NKAIN3: variants seen among roughly 807,000 people sequenced by gnomAD.
The protein encoded by NKAIN3 is sodium/potassium-transporting ATPase subunit beta-1-interacting protein 3.
NKAIN3 carries 25 observed loss-of-function variants against 30.2 expected under a neutral mutation model. The observed-to-expected ratio is 0.83, with a 90% CI of 0.60 to 1.16. The LOEUF (loss-of-function observed/expected upper bound fraction) is 1.16. NKAIN3 is among the 50% of genes most tolerant of loss of function. The pLI is 0.00. For synonymous variants in NKAIN3, 91 were observed against 89.6 expected (o/e 1.02, Z -0.09); for missense variants, 225 against 254.1 (o/e 0.89, Z 0.78).
Position 62,965,378 on chromosome 8 carries a change from C to G in NKAIN3, c.628C>G (p.Pro210Ala), listed in dbSNP as rs1823680572. The G allele has an allele frequency of 1.0e-6, 1 of 985,534 alleles. No individual in the cohort carries two copies. The highest frequency in any genetic ancestry group is 1.2e-6 in the Non-Finnish European group (1 of 829,874). The allele number at this position is 985,534 out of a possible 1,614,324, so 61.0% of individuals were successfully genotyped here. A position where few individuals can be genotyped will look rare whatever the true frequency, so the allele number is the denominator to read the frequency against. ...GGTCGAAATAAGTAATGACATTGAA[C>G]CAGAAATGCGGCTGCTGAACTTGAC... is the stretch of plus-strand genomic sequence containing the variant. The part of the protein sequence containing the change: ...KPVEISNDIE[P>A]EMRLLNLT The change falls in exon 7 of 7, where the codon CCA becomes GCA. Residue 210 changes from proline to alanine, a missense_variant. Pro to Ala is a conservative substitution (Grantham distance 27, BLOSUM62 -1). Transcript: ENST00000623646.
intron 3 of NKAIN3, among the ~76,000 whole-genome samples, chr8:62,706,790 C>G (rs183738893): frequency 6.6e-5 from 10 of 152,052 alleles, no homozygotes; most frequent in African/African-American, 1.9e-4. Flanking sequence ...GTCACCCAAG[C>G]AGTATACACT....
At chr8:62,595,382 C>CTTTTTT (rs1181598520) in intron 3 of NKAIN3, among the ~76,000 whole-genome samples, 16 of 109,928 alleles carry the variant, frequency 1.5e-4, no homozygotes, top group Middle Eastern at 6.0e-3. Context: ...GGGCTATTTT[C>CTTTTTT]TTTTTTTTTT....
At position 62,978,717 on chromosome 8, in the gene NKAIN3, G is replaced by C. The variant is rs1327495058; in HGVS notation, c.*13310G>C. ...CCTGGTTTCAGCCCCCTTTCCAGGGGAGTGAATGGTTCTGTCTCTCTGGCA... is the reference window on the plus strand; with the variant it reads ...CCTGGTTTCAGCCCCCTTTCCAGGGCAGTGAATGGTTCTGTCTCTCTGGCA... On this transcript the variant is annotated 3_prime_UTR_variant, in exon 7 of 7. Coordinates refer to ENST00000623646, the MANE Select transcript of NKAIN3 (RefSeq NM_001304533.3). 6.5e-6 allele frequency: 1 copy of C among 153,108 alleles called. No homozygotes were observed. The highest frequency in any genetic ancestry group is 1.5e-5 in the Non-Finnish European group (1 of 68,484). The allele number at this position is 153,108 out of a possible 1,614,324, so 9.5% of individuals were successfully genotyped here.
At chr8:62,275,370 T>C (rs142750343) in intron 1 of NKAIN3, among the ~76,000 whole-genome samples, 1 of 152,350 alleles carries the variant, frequency 6.6e-6, no homozygotes, top group South Asian at 2.1e-4. Context: ...TCTTGATTTC[T>C]TAAGTTAAAT....
intron 3 of NKAIN3, among the ~76,000 whole-genome samples, chr8:62,740,918 A>T (rs1815845274): frequency 6.6e-6 from 1 of 152,064 alleles, no homozygotes. Flanking sequence ...CTCTGTGAAT[A>T]TATAAGGTAT....
chr8:62,406,017 T>G (rs1804054629), intron 1 of NKAIN3, among the ~76,000 whole-genome samples: 1 of 152,226 alleles, frequency 6.6e-6, no homozygotes, highest in South Asian at 2.1e-4. Context: ...CCAATAAGAA[T>G]ATAAGTTCTT....
chr8:62,729,024 C>CAAAAAAA (rs71501600), intron 3 of NKAIN3, among the ~76,000 whole-genome samples: 2 of 16,448 alleles, frequency 1.2e-4, no homozygotes, highest in Non-Finnish European at 2.5e-4. Context: ...ACAAACAAAC[C>CAAAAAAA]AAAAAAAAAA....
intron 1 of NKAIN3, among the ~76,000 whole-genome samples, chr8:62,452,165 C>T (rs902183353): frequency 6.6e-6 from 1 of 152,064 alleles, no homozygotes; most frequent in Non-Finnish European, 1.5e-5. Context: ...CAAAAGTGTC[C>T]AAGTTTCCCT....
chr8:62,449,309 C>G (rs1326339090), intron 1 of NKAIN3, among the ~76,000 whole-genome samples: 1 of 151,970 alleles, frequency 6.6e-6, no homozygotes, highest in Non-Finnish European at 1.5e-5. Flanking sequence ...TATGTGTAAT[C>G]TATTAAATCG....
At chr8:62,281,933 G>C (rs1049001138) in intron 1 of NKAIN3, among the ~76,000 whole-genome samples, 18 of 151,730 alleles carry the variant, frequency 1.2e-4, no homozygotes, top group African/African-American at 4.3e-4. Context: ...AAGCATGCTT[G>C]TTCCTCTCAC....
At chr8:62,511,418 A>T (rs1585890615) in intron 1 of NKAIN3, among the ~76,000 whole-genome samples, 4 of 152,078 alleles carry the variant, frequency 2.6e-5, no homozygotes, top group African/African-American at 9.7e-5. Flanking sequence ...TGCCACCCAG[A>T]TCCCTGGAAT....
intron 1 of NKAIN3, among the ~76,000 whole-genome samples, chr8:62,476,118 G>A (rs1806510797): frequency 1.3e-5 from 2 of 152,178 alleles, no homozygotes; most frequent in South Asian, 2.1e-4. Context: ...TTCAGATGAG[G>A]GTTGTACTAG....
intron 3 of NKAIN3, among the ~76,000 whole-genome samples, chr8:62,709,585 A>C (rs567917265): frequency 7.9e-5 from 12 of 152,166 alleles, no homozygotes; most frequent in African/African-American, 2.9e-4. Flanking sequence ...TTTGTTTCTT[A>C]GTGAGGTTAT....
At chr8:62,347,376 T>G (rs1283311521) in intron 1 of NKAIN3, among the ~76,000 whole-genome samples, 2 of 152,158 alleles carry the variant, frequency 1.3e-5, no homozygotes, top group Admixed American at 6.6e-5. Context: ...ATATGAGTCT[T>G]GCCTTTAAAG....
chr8:62,635,435 G>A (rs1812097322), intron 3 of NKAIN3, among the ~76,000 whole-genome samples: 1 of 152,130 alleles, frequency 6.6e-6, no homozygotes, highest in African/African-American at 2.4e-5. Context: ...TCCACCAGCT[G>A]GTGACCTCGG....
intron 1 of NKAIN3, among the ~76,000 whole-genome samples, chr8:62,433,436 G>GA (rs1805077523): frequency 6.6e-6 from 1 of 151,952 alleles, no homozygotes; most frequent in African/African-American, 2.4e-5. Flanking sequence ...TAAATTAATA[G>GA]AAAAAAATAC....
intron 1 of NKAIN3, among the ~76,000 whole-genome samples, chr8:62,480,991 C>A (rs141702637): frequency 1.9e-3 from 290 of 152,278 alleles, no homozygotes; most frequent in Non-Finnish European, 3.0e-3. Context: ...CCTTCCTGAA[C>A]TGCCAGTGAC....
At chr8:62,897,469 G>A (rs2130832326) in intron 4 of NKAIN3, among the ~76,000 whole-genome samples, 1 of 152,200 alleles carries the variant, frequency 6.6e-6, no homozygotes, top group South Asian at 2.1e-4. Flanking sequence ...TTCAGGACTT[G>A]ACACTATCTA....
intron 1 of NKAIN3, among the ~76,000 whole-genome samples, chr8:62,496,916 A>G (rs372971883): frequency 6.6e-5 from 10 of 152,118 alleles, no homozygotes; most frequent in African/African-American, 2.4e-4. Flanking sequence ...TGGTGCAGTG[A>G]TTCCCTAGTG....
Sources: gnomAD v4.1 joint callset for allele counts (sites outside exome capture counted in the v4.1 genomes callset) on GRCh38, gnomAD v4.1.1 for gene constraint, MANE v1.5 for transcripts, NCBI Gene and HGNC (gene_info 2026-07-23, HGNC 2026-07-21) for gene names.